Variants in MAGI2 observed in about 807,000 individuals in gnomAD.
The protein encoded by MAGI2 is membrane-associated guanylate kinase, WW and PDZ domain-containing protein 2.
A neutral mutation model predicts 133.3 loss-of-function variants in MAGI2; 35 were observed. That is an observed-to-expected ratio of 0.26 (90% confidence interval 0.20 to 0.35). MAGI2 has a LOEUF of 0.35. Among genes scored for constraint, MAGI2 ranks in the 10% least tolerant of loss-of-function variants. The pLI is 1.00. For missense variants in MAGI2, 1,636 were observed against 1,863.4 expected, an observed-to-expected ratio of 0.88 and a Z score of 2.25; for synonymous variants, 729 against 710.6, an observed-to-expected ratio of 1.03 and a Z score of -0.41.
intron 9 of MAGI2, among the ~76,000 whole-genome samples, chr7:78,331,087 G>A (rs1789143549): frequency 6.6e-6 from 1 of 152,162 alleles, no homozygotes; most frequent in African/African-American, 2.4e-5. Flanking sequence ...GGAGGCCACT[G>A]TCCTAAGTGA....
At chr7:78,738,840 T>C (rs1243081432) in intron 2 of MAGI2, among the ~76,000 whole-genome samples, 2 of 152,186 alleles carry the variant, frequency 1.3e-5, no homozygotes, top group Non-Finnish European at 2.9e-5. Context: ...AAGAAATCTG[T>C]AGCATGGCAG....
intron 15 of MAGI2, among the ~76,000 whole-genome samples, chr7:78,162,537 CAAAA>C (rs1563200886): frequency 7.4e-6 from 1 of 135,364 alleles, no homozygotes; most frequent in Admixed American, 7.7e-5. Flanking sequence ...AAAAAAAAAA[CAAAA>C]AACAAAAACG....
intron 10 of MAGI2, among the ~76,000 whole-genome samples, chr7:78,210,930 G>A (rs758339436): frequency 2.0e-5 from 3 of 152,200 alleles, no homozygotes; most frequent in Non-Finnish European, 4.4e-5. Context: ...GGAAGGTGAG[G>A]AAGTGGGACT....
chr7:78,497,773 T>TGTCTGTCTGTCTG (rs1794259068), intron 5 of MAGI2, among the ~76,000 whole-genome samples: 1 of 151,572 alleles, frequency 6.6e-6, no homozygotes, highest in Admixed American at 6.6e-5. Context: ...TCTTTCTATC[T>TGTCTGTCTGTCTG]TATACACAGA....
chr7:78,380,123 C>A (rs2151289435), intron 6 of MAGI2, among the ~76,000 whole-genome samples: 1 of 148,120 alleles, frequency 6.8e-6, no homozygotes, highest in East Asian at 2.0e-4. Flanking sequence ...AAAAGAACAA[C>A]AAAGGAACCT....
At chr7:79,377,515 A>C (rs1268555706) in intron 1 of MAGI2, among the ~76,000 whole-genome samples, 2 of 151,868 alleles carry the variant, frequency 1.3e-5, no homozygotes, top group African/African-American at 4.8e-5. Context: ...ATTGGCAATG[A>C]AGCCACGTTC....
chr7:78,688,128 C>A (rs184775186), intron 2 of MAGI2, among the ~76,000 whole-genome samples: 6 of 152,028 alleles, frequency 3.9e-5, no homozygotes, highest in East Asian at 1.9e-4. Context: ...TGAAAAAACC[C>A]CATGTTCATT....
At chr7:79,448,106 T>C (rs944626873) in intron 1 of MAGI2, among the ~76,000 whole-genome samples, 1 of 151,900 alleles carries the variant, frequency 6.6e-6, no homozygotes, top group Non-Finnish European at 1.5e-5. Context: ...AGATATGCGG[T>C]ATGAAGAAAA....
rs531586412 is a variant in MAGI2 at position 78,834,384 on chromosome 7, C to A, written c.418+172706G>T. Among the ~76,000 whole-genome samples, 216 of 152,310 alleles carry A rather than the reference C, an allele frequency of 1.4e-3. 1 individual carries two copies. The highest frequency in any genetic ancestry group is 5.0e-3 in the African/African-American group (208 of 41,560). On this transcript the variant is annotated intron_variant, in intron 2 of 21. Transcript: ENST00000354212. The stretch of plus-strand genomic sequence containing the variant: ...CCGCATCCTCCTTAGTTCTATGCAA[C>A]TACTAAGCCACTTTCTGCCTCTATA...
chr7:78,433,308 A>T (rs1799970503), intron 6 of MAGI2, among the ~76,000 whole-genome samples: 3 of 152,136 alleles, frequency 2.0e-5, no homozygotes, highest in Admixed American at 2.0e-4. Flanking sequence ...AAGTGTGTTT[A>T]CTACTCCTTA....
chr7:78,166,340 C>G (rs561971946), intron 15 of MAGI2, among the ~76,000 whole-genome samples: 2 of 152,256 alleles, frequency 1.3e-5, no homozygotes, highest in South Asian at 4.1e-4. Flanking sequence ...ATAGAACATA[C>G]AGCACAGCAA....
intron 6 of MAGI2, chr7:78,487,236 A>T (rs756349307): frequency 1.7e-4 from 37 of 211,684 alleles, no homozygotes; most frequent in Non-Finnish European, 3.1e-4. Context: ...AAGGCTGCAC[A>T]GGGAAGGGAA....
intron 2 of MAGI2, among the ~76,000 whole-genome samples, chr7:78,914,804 T>C (rs1282533555): frequency 2.0e-5 from 3 of 152,130 alleles, no homozygotes; most frequent in Non-Finnish European, 2.9e-5. Flanking sequence ...TTTTTAACAA[T>C]TGACATTTAA....
chr7:78,106,014 C>T (rs1008664414), intron 20 of MAGI2, among the ~76,000 whole-genome samples: 10 of 152,016 alleles, frequency 6.6e-5, no homozygotes, highest in African/African-American at 2.4e-4. Context: ...CTTCTGCCTG[C>T]TTCACTTCCC....
intron 3 of MAGI2, among the ~76,000 whole-genome samples, chr7:78,548,449 A>C (rs1159576434): frequency 2.6e-5 from 4 of 152,010 alleles, no homozygotes; most frequent in African/African-American, 9.7e-5. Context: ...TAATCCCAGC[A>C]CTTTGGAGGC....
chr7:78,454,865 A>G (rs1789136819), intron 6 of MAGI2, among the ~76,000 whole-genome samples: 1 of 152,176 alleles, frequency 6.6e-6, no homozygotes, highest in South Asian at 2.1e-4. Context: ...GGAAAAGGCA[A>G]AACTATAGAG....
chr7:78,232,809 C>T (rs1484077802), intron 10 of MAGI2, among the ~76,000 whole-genome samples: 1 of 152,118 alleles, frequency 6.6e-6, no homozygotes, highest in East Asian at 1.9e-4. Context: ...TGCCAAAACA[C>T]ACAGATTTTT....
intron 6 of MAGI2, among the ~76,000 whole-genome samples, chr7:78,370,679 A>G (rs976989753): frequency 6.6e-6 from 1 of 151,944 alleles, no homozygotes; most frequent in Non-Finnish European, 1.5e-5. Flanking sequence ...TGTACCATCA[A>G]ATTAAATACA....
intron 1 of MAGI2, among the ~76,000 whole-genome samples, chr7:79,186,593 A>G (rs1293214466): frequency 6.7e-6 from 1 of 149,338 alleles, no homozygotes; most frequent in African/African-American, 2.5e-5. Context: ...TGGAAGAAAA[A>G]TAAGAATTGA....
Sources: allele counts gnomAD v4.1 joint callset (sites outside exome capture counted in the v4.1 genomes callset), GRCh38; gene constraint gnomAD v4.1.1; transcripts MANE v1.5; gene names NCBI Gene and HGNC (gene_info 2026-07-23, HGNC 2026-07-21).